FAM91A1: variants seen among roughly 807,000 people sequenced by gnomAD.
FAM91A1 encodes family with sequence similarity 91 member A1.
In FAM91A1, 41 loss-of-function variants were observed where a neutral mutation model predicts 113.5. The observed-to-expected ratio is 0.36, with a 90% CI of 0.28 to 0.47. The LOEUF (loss-of-function observed/expected upper bound fraction) is 0.47. Among genes scored for constraint, FAM91A1 ranks in the 20% least tolerant of loss-of-function variants. FAM91A1 has a pLI of 1.00. For synonymous variants in FAM91A1, 307 were observed against 347.9 expected (o/e 0.88, Z 1.31); for missense variants, 696 against 1,001.2 (o/e 0.70, Z 4.11).
chr8:123,807,539 C>A (rs1222098698), intron 20 of FAM91A1, among the ~76,000 whole-genome samples: 1 of 148,118 alleles, frequency 6.8e-6, no homozygotes, highest in African/African-American at 2.5e-5. Context: ...AGGATGAAAA[C>A]CCTAGAGAGG....
intron 11 of FAM91A1, chr8:123,786,137 A>G (rs1275956365): frequency 1.6e-5 from 4 of 248,730 alleles, no homozygotes; most frequent in Non-Finnish European, 3.1e-5. Context: ...TTATTTATTC[A>G]ACCTGTCAGT....
intron 23 of FAM91A1, chr8:123,810,634 T>G: frequency 2.1e-6 from 1 of 465,716 alleles, no homozygotes; most frequent in South Asian, 2.7e-5. Context: ...TAGGTGTTAG[T>G]TTTTGGTTAT....
intron 15 of FAM91A1, among the ~76,000 whole-genome samples, chr8:123,796,448 A>G (rs959981332): frequency 1.3e-4 from 19 of 145,854 alleles, no homozygotes; most frequent in African/African-American, 4.7e-4. Context: ...GCTAAAAGGT[A>G]GGGAGTGAAG....
At chr8:123,779,517 A>C (rs1195486867) in intron 6 of FAM91A1, among the ~76,000 whole-genome samples, 1 of 152,112 alleles carries the variant, frequency 6.6e-6, no homozygotes, top group Non-Finnish European at 1.5e-5. Flanking sequence ...GTCTGCATTT[A>C]ATTTTCTCCA....
intron 19 of FAM91A1, 145 bp from the exon 20 acceptor site, chr8:123,805,935 A>G (rs1418159462): frequency 4.1e-6 from 3 of 726,654 alleles, no homozygotes; most frequent in African/African-American, 1.8e-5. Context: ...AAGAATGACA[A>G]CTTTATATAT....
chr8:123,790,688 C>T (rs1182111571), intron 15 of FAM91A1, among the ~76,000 whole-genome samples: 1 of 152,172 alleles, frequency 6.6e-6, no homozygotes, highest in East Asian at 1.9e-4. Context: ...TCAGCTGTTA[C>T]TTAACAAGCT....
In FAM91A1 at chr8:123,814,430, A is replaced by G. The variant is rs180848200; in HGVS notation, c.*1726A>G. 29 of 187,232 alleles carry G rather than the reference A, an allele frequency of 1.5e-4. No homozygotes were observed. The East Asian group carries it at 4.5e-3, about 29-fold the overall frequency. 11.6% of individuals were successfully genotyped at this position (187,232 alleles called of 1,614,324 possible). On this transcript the variant is annotated 3_prime_UTR_variant, in exon 24 of 24. Transcript: ENST00000334705. ...TATTTTATTTATTCCTATATTAACC[A>G]TCTAAACCAACTGTAATGACATGTA...
At chr8:123,776,348 C>T (rs1196490815) in intron 3 of FAM91A1, among the ~76,000 whole-genome samples, 1 of 152,208 alleles carries the variant, frequency 6.6e-6, no homozygotes, top group Non-Finnish European at 1.5e-5. Flanking sequence ...CGTGTGGTAA[C>T]ATGAGGTTAG....
chr8:123,778,121 T>C, intron 5 of FAM91A1, 29 bp downstream of exon 5: 1 of 1,557,180 alleles, frequency 6.4e-7, no homozygotes, highest in Middle Eastern at 1.7e-4. Flanking sequence ...TTTCATTGTT[T>C]TGGCCTCATC....
At chr8:123,805,155 G>A (rs779915775) in intron 18 of FAM91A1, 112 bp from the exon 19 acceptor site, 16 of 737,240 alleles carry the variant, frequency 2.2e-5, no homozygotes, top group Non-Finnish European at 3.5e-5. Flanking sequence ...GAATTTTGAT[G>A]AGGTATTAAT....
At chr8:123,784,954 T>A (rs1282678744) in intron 9 of FAM91A1, 127 bp from the exon 10 acceptor site, 3 of 626,088 alleles carry the variant, frequency 4.8e-6, no homozygotes, top group Non-Finnish European at 7.9e-6. Context: ...GAATTCAAAA[T>A]TTATTCAGTC....
chr8:123,794,106 C>T (rs999684989), intron 15 of FAM91A1, among the ~76,000 whole-genome samples: 4 of 152,172 alleles, frequency 2.6e-5, no homozygotes, highest in African/African-American at 9.6e-5. Flanking sequence ...CATAGCTTCT[C>T]CTGACACTTT....
intron 16 of FAM91A1, 92 bp from the exon 17 acceptor site, chr8:123,799,428 T>C: frequency 2.6e-6 from 3 of 1,161,288 alleles, no homozygotes; most frequent in Non-Finnish European, 2.4e-6. Context: ...CAGTTAACAT[T>C]TATGTGAAGG....
At chr8:123,796,602 G>A (rs569728980) in intron 15 of FAM91A1, among the ~76,000 whole-genome samples, 1 of 151,582 alleles carries the variant, frequency 6.6e-6, no homozygotes, top group Non-Finnish European at 1.5e-5. Context: ...GGGACTATGG[G>A]TACGTGCTAC....
At position 123,773,214 on chromosome 8, in the gene FAM91A1, G is replaced by A. The variant is rs561587795; in HGVS notation, c.73-866G>A. ...TGTCTTATTGTGAAGATTGCCTTAA[G>A]TGAAAGATGTAGGGACCTGTCTTTG... On this transcript the variant is annotated intron_variant, in intron 1 of 23. Coordinates refer to ENST00000334705, the MANE Select transcript of FAM91A1 (RefSeq NM_144963.4). Among the ~76,000 whole-genome samples, 5 of 152,308 alleles carry A rather than the reference G, an allele frequency of 3.3e-5. No individual in the cohort carries two copies. The East Asian group carries it at 9.6e-4, about 29-fold the overall frequency.
chr8:123,777,186 T>C, intron 3 of FAM91A1, 79 bp from the exon 4 acceptor site: 1 of 965,944 alleles, frequency 1.0e-6, no homozygotes, highest in South Asian at 1.5e-5. Context: ...TGTTATTGGC[T>C]GTAATAATAT....
At chr8:123,780,803 T>C (rs2163534) in intron 8 of FAM91A1, among the ~76,000 whole-genome samples, 50,355 of 152,086 alleles carry the variant, frequency 0.33, 9,748 homozygotes, top group South Asian at 0.47. Flanking sequence ...TTTATAAATT[T>C]TTGTTACCTT....
chr8:123,806,261 A>T, intron 20 of FAM91A1, 32 bp downstream of exon 20: 1 of 1,588,418 alleles, frequency 6.3e-7, no homozygotes, highest in Middle Eastern at 1.7e-4. Context: ...TTGGATTAAG[A>T]TAATTGGTTT....
intron 15 of FAM91A1, among the ~76,000 whole-genome samples, chr8:123,791,212 T>C (rs542359264): frequency 1.3e-5 from 2 of 152,140 alleles, no homozygotes; most frequent in African/African-American, 4.8e-5. Flanking sequence ...CTAAATCTTC[T>C]GCTTGTTTTT....
Sources: allele counts gnomAD v4.1 joint callset (sites outside exome capture counted in the v4.1 genomes callset), GRCh38; gene constraint gnomAD v4.1.1; transcripts MANE v1.5; gene names NCBI Gene and HGNC (gene_info 2026-07-23, HGNC 2026-07-21).